Variants in C1orf21 observed in about 807,000 individuals in gnomAD.
C1orf21 encodes the protein uncharacterized protein C1orf21.
Under a neutral mutation model 18.7 loss-of-function variants are expected in C1orf21, and 3 were observed. The observed-to-expected ratio is 0.16, with a 90% confidence interval of 0.07 to 0.42. The LOEUF is 0.42. C1orf21 is among the 10% of genes least tolerant of loss of function. The pLI is 0.99. For missense variants in C1orf21, 104 were observed against 143.6 expected (o/e 0.72, Z 1.41); for synonymous variants, 41 against 46.4 (o/e 0.88, Z 0.47).
chr1:184,393,718 G>A (rs182668062), intron 1 of C1orf21, among the ~76,000 whole-genome samples: 2 of 152,282 alleles, frequency 1.3e-5, no homozygotes, highest in Non-Finnish European at 2.9e-5. Context: ...AACAAATCTG[G>A]AAAAGCATTC....
intron 3 of C1orf21, among the ~76,000 whole-genome samples, chr1:184,519,369 C>T (rs1272844420): frequency 1.3e-5 from 2 of 152,134 alleles, no homozygotes; most frequent in South Asian, 2.1e-4. Context: ...GATTTCTGGC[C>T]TCTTCTCTAA....
chr1:184,409,155 C>G (rs1248218526), intron 1 of C1orf21, among the ~76,000 whole-genome samples: 1 of 152,130 alleles, frequency 6.6e-6, no homozygotes, highest in Non-Finnish European at 1.5e-5. Context: ...CTGGGATGAC[C>G]TGGGCCAGCA....
chr1:184,404,999 C>G lies in C1orf21; in HGVS notation c.-125+17631C>G, dbSNP rs184865153. Among the ~76,000 whole-genome samples the G allele has an allele frequency of 6.6e-5, 10 of 152,238 alleles. No individual in the cohort carries two copies. In the East Asian group the frequency reaches 9.7e-4, roughly 15 times the overall value. On this transcript the variant is annotated intron_variant, in intron 1 of 5. Transcript: ENST00000235307. ...TTTCTTGGCTAAGCCTGTGCAAAAC[C>G]CTTGCATCCCATTTCTCCTTGCATT...
At chr1:184,489,306 GA>G (rs1357370779) in intron 2 of C1orf21, among the ~76,000 whole-genome samples, 2 of 152,042 alleles carry the variant, frequency 1.3e-5, no homozygotes, top group Non-Finnish European at 1.5e-5. Flanking sequence ...CAATTCAAAA[GA>G]GAAAAAATAT....
chr1:184,505,422 G>A (rs1658045916), intron 2 of C1orf21, among the ~76,000 whole-genome samples: 1 of 145,460 alleles, frequency 6.9e-6, no homozygotes, highest in South Asian at 2.2e-4. Flanking sequence ...TAAATAATTA[G>A]AAACTCACCA....
At chr1:184,600,166 GTTT>G (rs573987191) in intron 5 of C1orf21, among the ~76,000 whole-genome samples, 1 of 148,594 alleles carries the variant, frequency 6.7e-6, no homozygotes, top group African/African-American at 2.5e-5. Flanking sequence ...TCCAATGTGG[GTTT>G]TTTTTTTCTT....
chr1:184,551,991 T>A lies in C1orf21; in HGVS notation c.190-38748T>A, dbSNP rs534759872. On this transcript the variant is annotated intron_variant, in intron 3 of 5. Transcript: ENST00000235307. Reference sequence around the variant, plus strand: ...TGAGGTGATAGAATTAACGTTTTTTTAAAACAAAAAGAAAACAAGAGGGCT... The same window carrying A: ...TGAGGTGATAGAATTAACGTTTTTTAAAAACAAAAAGAAAACAAGAGGGCT... 2.6e-5 allele frequency among the ~76,000 whole-genome samples: 4 copies of A among 151,210 alleles called. No homozygotes were observed. The South Asian group carries it at 6.3e-4, about 24-fold the overall frequency.
rs1376889058 is a variant in C1orf21, at chr1:184,623,479, T to G, written c.*3923T>G. On this transcript the variant is annotated 3_prime_UTR_variant, in exon 6 of 6. Coordinates refer to ENST00000235307, the MANE Select transcript of C1orf21 (RefSeq NM_030806.4). ...ACCTCTCAGAGATTGGACTTTTTCT[T>G]GTTTAAAACCCCAACCAAAAAAAAT... The G allele has an allele frequency of 4.6e-5, 7 of 152,126 alleles. No individual in the cohort carries two copies. Among genetic ancestry groups the G allele is most frequent in the Non-Finnish European group, 8.8e-5 (6 of 68,022 alleles). 9.4% of individuals were successfully genotyped at this position (152,126 alleles called of 1,614,324 possible). A position where few individuals can be genotyped will look rare whatever the true frequency, so the allele number is the denominator to read the frequency against.
At chr1:184,507,230 T>C (rs1026546152) in intron 2 of C1orf21, among the ~76,000 whole-genome samples, 4 of 152,154 alleles carry the variant, frequency 2.6e-5, no homozygotes. Context: ...GAATATTCTC[T>C]TGAATCTTAT....
At chr1:184,417,614 T>G (rs905776818) in intron 1 of C1orf21, among the ~76,000 whole-genome samples, 1 of 152,244 alleles carries the variant, frequency 6.6e-6, no homozygotes, top group Admixed American at 6.5e-5. Context: ...TTTGCATCTT[T>G]AAACTCAAAA....
chr1:184,483,926 G>T (rs1657693906), intron 2 of C1orf21, among the ~76,000 whole-genome samples: 1 of 148,846 alleles, frequency 6.7e-6, no homozygotes, highest in South Asian at 2.2e-4. Context: ...GGGGGTGGGG[G>T]GTGTATGTGT....
Position 184,605,266 on chromosome 1 carries a change from G to A in C1orf21, c.327+6805G>A, listed in dbSNP as rs528404298. On this transcript the variant is annotated intron_variant, in intron 5 of 5. Coordinates refer to ENST00000235307, the MANE Select transcript of C1orf21 (RefSeq NM_030806.4). ...GTTGCTTCAGCCCTGCAGAGAACACGCAGGGAGAGAAGGGTCCCACTCTTG... is the reference window on the plus strand; with the variant it reads ...GTTGCTTCAGCCCTGCAGAGAACACACAGGGAGAGAAGGGTCCCACTCTTG... 1.8e-4 allele frequency among the ~76,000 whole-genome samples: 28 copies of A among 152,254 alleles called. No individual in the cohort carries two copies. The South Asian group carries it at 5.0e-3, about 27-fold the overall frequency.
intron 1 of C1orf21, among the ~76,000 whole-genome samples, chr1:184,473,594 G>A (rs1657526399): frequency 6.6e-6 from 1 of 152,204 alleles, no homozygotes; most frequent in Non-Finnish European, 1.5e-5. Flanking sequence ...GTCTCAGTTG[G>A]ATTGAGATTA....
At chr1:184,396,393 G>A (rs982761957) in intron 1 of C1orf21, among the ~76,000 whole-genome samples, 3 of 152,162 alleles carry the variant, frequency 2.0e-5, no homozygotes, top group Admixed American at 6.5e-5. Context: ...GATTTAGGAA[G>A]CAGAACTGAT....
rs118104347 is a variant in C1orf21 at position 184,510,243 on chromosome 1, C to T, written c.189+2561C>T. Among the ~76,000 whole-genome samples, 4 of 152,260 alleles carry T rather than the reference C, an allele frequency of 2.6e-5. No homozygotes were observed. In the East Asian group the frequency reaches 7.7e-4, roughly 29 times the overall value. ...ACACAGAGTACTTGAAGTCACAGTC[C>T]TCAAGGAGCTTACGGTATATTTTCG... On this transcript the variant is annotated intron_variant, in intron 3 of 5. Transcript: ENST00000235307.
intron 3 of C1orf21, among the ~76,000 whole-genome samples, chr1:184,575,715 T>C (rs1315630819): frequency 6.6e-6 from 1 of 151,140 alleles, no homozygotes; most frequent in East Asian, 2.0e-4. Context: ...AAAATTTTAA[T>C]ACAAAGAGTT....
chr1:184,475,740 T>A (rs1203664728), intron 1 of C1orf21, among the ~76,000 whole-genome samples: 3 of 83,912 alleles, frequency 3.6e-5, no homozygotes, highest in Non-Finnish European at 7.2e-5. Context: ...ATAGGGTGTG[T>A]GTGTGTGTGT....
intron 3 of C1orf21, among the ~76,000 whole-genome samples, chr1:184,558,760 T>C (rs148241239): frequency 1.3e-5 from 2 of 152,350 alleles, no homozygotes; most frequent in East Asian, 3.9e-4. Flanking sequence ...GCAATAGCAA[T>C]AATAGCACTA....
chr1:184,493,842 T>A (rs188939674), intron 2 of C1orf21, among the ~76,000 whole-genome samples: 2 of 152,352 alleles, frequency 1.3e-5, no homozygotes, highest in Admixed American at 6.5e-5. Flanking sequence ...TTTCCCATGA[T>A]GCAATTGTTA....
Sources: gnomAD v4.1 joint callset for allele counts (sites outside exome capture counted in the v4.1 genomes callset) on GRCh38, gnomAD v4.1.1 for gene constraint, MANE v1.5 for transcripts, NCBI Gene and HGNC (gene_info 2026-07-23, HGNC 2026-07-21) for gene names.